Variants in CHD6 observed in about 807,000 individuals in gnomAD.
CHD6 encodes ATP-dependent chromatin remodeler CHD6.
In CHD6, 50 loss-of-function variants were observed where a neutral mutation model predicts 276.9. That is an observed-to-expected ratio of 0.18 (90% confidence interval 0.14 to 0.23). The LOEUF (loss-of-function observed/expected upper bound fraction) is 0.23. Among genes scored for constraint, CHD6 ranks in the 10% least tolerant of loss-of-function variants. The pLI is 1.00. For synonymous variants in CHD6, 1,173 were observed against 1,229.3 expected, an observed-to-expected ratio of 0.95 and a Z score of 0.96; for missense variants, 2,564 against 3,365.8, an observed-to-expected ratio of 0.76 and a Z score of 5.89.
chr20:41,504,050 C>CA (rs2043907336), intron 5 of CHD6, among the ~76,000 whole-genome samples: 1 of 111,038 alleles, frequency 9.0e-6, no homozygotes, highest in African/African-American at 3.6e-5. Context: ...TGTACTCCAG[C>CA]TTGGGTGATA....
At position 41,417,331 on chromosome 20, in the gene CHD6, G is replaced by C. The variant is rs1381656583; in HGVS notation, c.6146C>G (p.Ser2049Cys). Residue 2049 changes from serine to cysteine, a missense_variant, in exon 32 of 37, where the codon TCT (serine) becomes TGT (cysteine). Ser to Cys is a moderately radical substitution (Grantham distance 112). Transcript: ENST00000373233. ...TGTTGAGCTCTTGCTCTCCTCTTCA[G>C]AGTACTTCCCTGGATAATCTGGGAA... The part of the protein sequence containing the change: ...CHSQDYPGKY[S>C]EEESKSSTSG... 10 of 1,613,904 alleles carry C rather than the reference G, an allele frequency of 6.2e-6. No homozygotes were observed. Among genetic ancestry groups the C allele is most frequent in the South Asian group, 5.5e-5 (5 of 91,016 alleles).
At chr20:41,481,602 G>A (rs2043296953) in intron 16 of CHD6, among the ~76,000 whole-genome samples, 1 of 151,938 alleles carries the variant, frequency 6.6e-6, no homozygotes, top group Non-Finnish European at 1.5e-5. Context: ...ATTTTGGAAA[G>A]GAATATAAAT....
In CHD6 at chr20:41,404,218, G is replaced by A. The variant is rs1443497141; in HGVS notation, c.*375C>T. 13 of 1,072,722 alleles carry A rather than the reference G, an allele frequency of 1.2e-5. No homozygotes were observed. The highest frequency in any genetic ancestry group is 1.4e-5 in the Non-Finnish European group (12 of 885,188). 66.5% of individuals were successfully genotyped at this position (1,072,722 alleles called of 1,614,324 possible). ...AGAAAAAGAGCTCCTCTTTGTCTCT[G>A]TTCTTCCACCCTTCAATGGTAAAAC... On this transcript the variant is annotated 3_prime_UTR_variant, in exon 37 of 37. Coordinates refer to ENST00000373233, the MANE Select transcript of CHD6 (RefSeq NM_032221.5).
rs2047171418 is a variant in CHD6 at position 41,420,991 on chromosome 20, C to T, written c.5644G>A (p.Val1882Ile). The change falls in exon 31 of 37, where the codon GTA (valine) becomes ATA (isoleucine). Residue 1882 changes from valine to isoleucine, a missense_variant. By Grantham distance (29) the Val-to-Ile change is conservative (BLOSUM62 3). Coordinates refer to ENST00000373233, the MANE Select transcript of CHD6 (RefSeq NM_032221.5). ...ACCTCTGGCCTTTCCCCCATGCCTA[C>T]TGCCATGGCTAAGTTTTCCTCCTCG... is the stretch of plus-strand genomic sequence containing the variant. ...ENEEENLAMA[V>I]GMGERPEVLH... 2 of 1,614,106 alleles carry T rather than the reference C, an allele frequency of 1.2e-6. No homozygotes were observed. Among genetic ancestry groups the T allele is most frequent in the Non-Finnish European group, 8.5e-7 (1 of 1,180,002 alleles).
intron 1 of CHD6, among the ~76,000 whole-genome samples, chr20:41,576,066 C>T (rs6102475): frequency 0.045 from 6,820 of 151,192 alleles, 487 homozygotes; most frequent in African/African-American, 0.15. Context: ...AAAATTAATT[C>T]TTTTTTTTTC....
chr20:41,586,493 T>A (rs1167021295), intron 1 of CHD6, among the ~76,000 whole-genome samples: 1 of 152,230 alleles, frequency 6.6e-6, no homozygotes, highest in Admixed American at 6.5e-5. Context: ...ACTCACTGCG[T>A]GGGCCAAGGT....
rs542072517 is a variant in CHD6 at position 41,551,058 on chromosome 20, T to C, written c.33+247A>G. Among the ~76,000 whole-genome samples, 13 of 152,350 alleles carry C rather than the reference T, an allele frequency of 8.5e-5. No individual in the cohort carries two copies. In the South Asian group the frequency reaches 2.5e-3, roughly 29 times the overall value. On this transcript the variant is annotated intron_variant, in intron 2 of 36. Coordinates refer to ENST00000373233, the MANE Select transcript of CHD6 (RefSeq NM_032221.5). ...AGGGAGGAAATGTTTCTCTTCTACT[T>C]GGCTAATTTGAATAATATTCTGATA...
chr20:41,451,966 T>G lies in CHD6; in HGVS notation c.3383A>C (p.Lys1128Thr). ...HGRFKWHLNE[K>T]DMEMICRALL... The stretch of plus-strand genomic sequence containing the variant: ...GGCACGGCAAATCATCTCCATGTCC[T>G]TCTCGTTCAGATGCCACTTGAATCG... Residue 1128 changes from lysine (K) to threonine (T), a missense_variant, in exon 22 of 37, where the codon AAG (lysine) becomes ACG (threonine). Physicochemically the swap from Lys to Thr is moderately conservative, Grantham distance 78. Around this residue, in one of 7 missense-constraint regions of CHD6, gnomAD observed 515 missense variants for 739.5 expected, o/e 0.70. Coordinates refer to ENST00000373233, the MANE Select transcript of CHD6 (RefSeq NM_032221.5). 8 of 1,614,100 alleles carry G rather than the reference T, an allele frequency of 5.0e-6. No individual in the cohort carries two copies. Among genetic ancestry groups the G allele is most frequent in the Non-Finnish European group, 6.8e-6 (8 of 1,179,988 alleles).
chr20:41,430,536 T>G (rs2047504883), intron 27 of CHD6, among the ~76,000 whole-genome samples: 1 of 152,134 alleles, frequency 6.6e-6, no homozygotes. Flanking sequence ...AAAGAATACT[T>G]GACTACAACA....
chr20:41,509,250 G>A (rs1451241823), intron 5 of CHD6, among the ~76,000 whole-genome samples: 2 of 152,128 alleles, frequency 1.3e-5, no homozygotes, highest in Non-Finnish European at 2.9e-5. Flanking sequence ...TTATCAAACA[G>A]AAGATGGAAA....
intron 14 of CHD6, among the ~76,000 whole-genome samples, chr20:41,487,059 C>G (rs2043432907): frequency 6.6e-6 from 1 of 152,164 alleles, no homozygotes. Context: ...TCTATAATCC[C>G]TAGTGGAGAT....
intron 1 of CHD6, chr20:41,614,842 T>A (rs2045920555): frequency 6.6e-6 from 1 of 152,236 alleles, no homozygotes; most frequent in East Asian, 1.9e-4. Context: ...TGGTTATTAC[T>A]GTACCAGGGT....
intron 17 of CHD6, among the ~76,000 whole-genome samples, chr20:41,467,045 C>T (rs185377950): frequency 6.6e-6 from 1 of 152,306 alleles, no homozygotes; most frequent in African/African-American, 2.4e-5. Flanking sequence ...ACCCGGGACT[C>T]CGATGACACT....
chr20:41,565,723 T>C (rs2045348516), intron 1 of CHD6, among the ~76,000 whole-genome samples: 2 of 152,046 alleles, frequency 1.3e-5, no homozygotes, highest in South Asian at 4.2e-4. Flanking sequence ...TGCAGACAAA[T>C]GAAAATAATA....
In CHD6 at chr20:41,533,284, G is replaced by A. The variant is rs1224492009; in HGVS notation, c.320C>T (p.Ala107Val). ...KKKEPGDQEG[A>V]AKGSKDREPK... The stretch of plus-strand genomic sequence containing the variant: ...CTCTCTGTCCTTGCTTCCCTTTGCT[G>A]CACCCTCTTGGTCTCCTGGCTCCTT... Residue 107 changes from alanine (A) to valine (V), a missense_variant, in exon 3 of 37, where the codon GCA (alanine) becomes GTA (valine). By Grantham distance (64) the Ala-to-Val change is moderately conservative. This residue lies in a region of CHD6 where 286 missense variants were observed against 297.8 expected (regional missense o/e 0.96). Transcript: ENST00000373233. 1.9e-6 allele frequency: 3 copies of A among 1,613,730 alleles called. No homozygotes were observed. Among genetic ancestry groups the A allele is most frequent in the Admixed American group, 1.7e-5 (1 of 59,948 alleles).
intron 2 of CHD6, among the ~76,000 whole-genome samples, chr20:41,548,529 A>G (rs1314226249): frequency 6.6e-6 from 1 of 152,234 alleles, no homozygotes; most frequent in Non-Finnish European, 1.5e-5. Flanking sequence ...TAGACCTAAA[A>G]CCATAAAAAC....
chr20:41,415,182 C>T lies in CHD6; in HGVS notation c.6939+4G>A. On this transcript the variant is annotated splice_donor_region_variant and intron_variant, in intron 34 of 36. Coordinates refer to ENST00000373233, the MANE Select transcript of CHD6 (RefSeq NM_032221.5). Reference sequence around the variant, plus strand: ...GTTTTTAATCTAATGACCTCAATACCCACCAAGATTCCCGCCTGAAGTGTC... The same window carrying T: ...GTTTTTAATCTAATGACCTCAATACTCACCAAGATTCCCGCCTGAAGTGTC... The T allele has an allele frequency of 6.2e-7, 1 of 1,611,940 alleles. No homozygotes were observed. Among genetic ancestry groups the T allele is most frequent in the Non-Finnish European group, 8.5e-7 (1 of 1,178,598 alleles).
intron 32 of CHD6, 33 bp downstream of exon 32, chr20:41,417,165 G>A: frequency 1.9e-6 from 3 of 1,588,704 alleles, no homozygotes; most frequent in Non-Finnish European, 2.6e-6. Context: ...GAATGGTTTG[G>A]GGGTAGGGTG....
In CHD6 at chr20:41,405,299, A is replaced by T; in HGVS notation, c.7442T>A (p.Leu2481His). ...GLIAGMDLVG[L>H]QNMRNMPGIP... is the part of the protein sequence containing the mutation. ...GCCTGGCATATTTCTCATGTTCTGAAGTCCTACCAGGTCCATCCCAGCAAT... is the reference window on the plus strand; with the variant it reads ...GCCTGGCATATTTCTCATGTTCTGATGTCCTACCAGGTCCATCCCAGCAAT... The change falls in exon 37 of 37, where the codon CTT (leucine) becomes CAT (histidine). Residue 2481 changes from leucine (L) to histidine (H), a missense_variant. Coordinates refer to ENST00000373233, the MANE Select transcript of CHD6 (RefSeq NM_032221.5). The T allele has an allele frequency of 6.2e-7, 1 of 1,614,208 alleles. No individual in the cohort carries two copies. The highest frequency in any genetic ancestry group is 8.5e-7 in the Non-Finnish European group (1 of 1,180,038).
Sources: gnomAD v4.1 joint callset for allele counts (sites outside exome capture counted in the v4.1 genomes callset) on GRCh38, gnomAD v4.1.1 for gene constraint, gnomAD v4.1.1 regional missense constraint, MANE v1.5 for transcripts, NCBI Gene and HGNC (gene_info 2026-07-23, HGNC 2026-07-21) for gene names.